SMIM35: variants seen among roughly 807,000 people sequenced by gnomAD.
SMIM35 encodes the protein small integral membrane protein 35.
intron 1 of SMIM35, among the ~76,000 whole-genome samples, chr11:118,054,055 G>C (rs1410377915): frequency 1.3e-5 from 2 of 151,898 alleles, no homozygotes; most frequent in Non-Finnish European, 2.9e-5. Context: ...CCCTATGCTA[G>C]GTATTTCATC....
intron 1 of SMIM35, among the ~76,000 whole-genome samples, chr11:118,051,596 G>A (rs955907979): frequency 6.6e-5 from 10 of 152,124 alleles, no homozygotes; most frequent in African/African-American, 1.4e-4. Flanking sequence ...AAACCCAGGC[G>A]AGAGCTCTCC....
At chr11:118,083,911 G>C (rs575270990) in intron 1 of SMIM35, among the ~76,000 whole-genome samples, 7 of 152,034 alleles carry the variant, frequency 4.6e-5, no homozygotes, top group African/African-American at 1.2e-4. Flanking sequence ...GGTGGCAGAC[G>C]CCTGTAATCC....
At chr11:118,061,566 A>G (rs535960254) in intron 1 of SMIM35, among the ~76,000 whole-genome samples, 1 of 151,986 alleles carries the variant, frequency 6.6e-6, no homozygotes, top group African/African-American at 2.4e-5. Flanking sequence ...GATCAAAGGA[A>G]GTGGGAGGGG....
At position 118,004,456 on chromosome 11, in the gene SMIM35, C is replaced by T. The variant is rs4938467; in HGVS notation, c.*1954G>A. The T allele has an allele frequency of 0.51, 76,984 of 151,898 alleles. 19,620 individuals are homozygous for T. Among genetic ancestry groups the T allele is most frequent in the East Asian group, 0.59 (3,046 of 5,148 alleles). The allele number at this position is 151,898 out of a possible 1,614,324, so 9.4% of individuals were successfully genotyped here. A position where few individuals can be genotyped will look rare whatever the true frequency, so the allele number is the denominator to read the frequency against. On this transcript the variant is annotated 3_prime_UTR_variant, in exon 5 of 5. Coordinates refer to ENST00000689828, the MANE Select transcript of SMIM35 (RefSeq NM_001394165.1). ...CACTTGAACCCGATGATGAGAAAAG[C>T]GAAATATGGACATGGAAGGGAGACA...
intron 1 of SMIM35, among the ~76,000 whole-genome samples, chr11:118,051,855 AATACTAATACT>A (rs1944221175): frequency 1.3e-5 from 2 of 150,480 alleles, no homozygotes; most frequent in South Asian, 2.1e-4. Context: ...TACTAATACT[AATACTAATACT>A]ATACTAATAC....
intron 1 of SMIM35, chr11:118,025,969 A>G (rs917207617): frequency 9.7e-6 from 3 of 308,616 alleles, no homozygotes; most frequent in Non-Finnish European, 1.8e-5. Context: ...TAACTTTTGT[A>G]TATGGTGAAA....
intron 1 of SMIM35, among the ~76,000 whole-genome samples, chr11:118,054,942 T>C (rs958157748): frequency 3.3e-5 from 5 of 151,962 alleles, no homozygotes; most frequent in African/African-American, 4.8e-5. Flanking sequence ...AAGCTGGGAT[T>C]ACAGGTGCGC....
chr11:118,025,615 C>T (rs1046661273), intron 1 of SMIM35: 8 of 449,490 alleles, frequency 1.8e-5, no homozygotes, highest in African/African-American at 1.6e-4. Context: ...TGTTCATGTC[C>T]TTTGCCCACT....
chr11:118,017,802 G>A (rs895153481), intron 1 of SMIM35, among the ~76,000 whole-genome samples: 28 of 152,118 alleles, frequency 1.8e-4, no homozygotes, highest in African/African-American at 4.8e-4. Context: ...AAACAAACAC[G>A]TCCTTCTTCA....
chr11:118,070,218 C>T (rs1944550188), intron 1 of SMIM35, among the ~76,000 whole-genome samples: 1 of 151,984 alleles, frequency 6.6e-6, no homozygotes, highest in Non-Finnish European at 1.5e-5. Context: ...CACTCATTGC[C>T]CAGGCTGGAG....
chr11:118,050,754 G>T (rs117386246), intron 1 of SMIM35, among the ~76,000 whole-genome samples: 1 of 152,206 alleles, frequency 6.6e-6, no homozygotes, highest in Non-Finnish European at 1.5e-5. Context: ...AGGCTTTGGG[G>T]TTTTGTAGAT....
intron 1 of SMIM35, among the ~76,000 whole-genome samples, chr11:118,033,993 C>T (rs888592753): frequency 7.2e-5 from 11 of 152,146 alleles, no homozygotes; most frequent in Non-Finnish European, 1.5e-4. Context: ...ATAGGCCAGG[C>T]GCAGTGTCTC....
At chr11:118,062,453 G>A (rs1034520942) in intron 1 of SMIM35, among the ~76,000 whole-genome samples, 3 of 152,194 alleles carry the variant, frequency 2.0e-5, no homozygotes, top group Non-Finnish European at 4.4e-5. Flanking sequence ...AGGCCCTGCT[G>A]GAAGGCTCCT....
chr11:118,052,119 GCAACTCTTGGAA>G (rs139117128), intron 1 of SMIM35, among the ~76,000 whole-genome samples: 1,842 of 152,262 alleles, frequency 0.012, 33 homozygotes, highest in African/African-American at 0.042. Context: ...AGGTTCAAAG[GCAACTCTTGGAA>G]CAATGCGGGT....
intron 1 of SMIM35, among the ~76,000 whole-genome samples, chr11:118,058,826 C>T (rs1266019783): frequency 2.6e-5 from 4 of 152,232 alleles, no homozygotes; most frequent in Non-Finnish European, 5.9e-5. Context: ...CAGGAAGCCA[C>T]AGCTTCAGAG....
intron 1 of SMIM35, among the ~76,000 whole-genome samples, chr11:118,081,791 A>G (rs1005493926): frequency 3.4e-5 from 5 of 148,644 alleles, no homozygotes; most frequent in African/African-American, 1.2e-4. Context: ...TTCCCTGAGC[A>G]TCTACTATGT....
intron 2 of SMIM35, among the ~76,000 whole-genome samples, 194 bp from the exon 3 acceptor site, chr11:118,014,935 G>A (rs919655793): frequency 1.3e-4 from 20 of 152,192 alleles, no homozygotes; most frequent in African/African-American, 4.8e-4. Context: ...CTGGGATGAA[G>A]GCAGTCCTAG....
chr11:118,007,854 G>T (rs1011496626), intron 4 of SMIM35, among the ~76,000 whole-genome samples: 4 of 150,994 alleles, frequency 2.6e-5, no homozygotes, highest in African/African-American at 9.8e-5. Context: ...TTCTTGATTT[G>T]TTTTTCAACT....
intron 1 of SMIM35, among the ~76,000 whole-genome samples, chr11:118,072,934 T>C (rs1036707745): frequency 6.6e-6 from 1 of 152,244 alleles, no homozygotes; most frequent in Non-Finnish European, 1.5e-5. Context: ...GTCGTTGTTG[T>C]TTTTGAGACG....
Sources: gnomAD v4.1 joint callset for allele counts (sites outside exome capture counted in the v4.1 genomes callset) on GRCh38, gnomAD v4.1.1 for gene constraint, MANE v1.5 for transcripts, NCBI Gene and HGNC (gene_info 2026-07-23, HGNC 2026-07-21) for gene names.